The following BMP2K variants were observed in gnomAD, a reference collection of about 807,000 sequenced individuals.
The protein encoded by BMP2K is BMP-2-inducible protein kinase.
Under a neutral mutation model 116.0 loss-of-function variants are expected in BMP2K, and 74 were observed. The ratio of observed to expected loss-of-function variants is 0.64; its 90% CI spans 0.53 to 0.77. BMP2K has a LOEUF of 0.77. Among genes scored for constraint, BMP2K ranks in the 30% least tolerant of loss-of-function variants. BMP2K has a pLI of 0.00. For synonymous variants in BMP2K, 486 were observed against 502.5 expected, an observed-to-expected ratio of 0.97 and a Z score of 0.44; for missense variants, 1,365 against 1,403.6, an observed-to-expected ratio of 0.97 and a Z score of 0.44.
rs899601766 is a variant in BMP2K at position 78,873,665 on chromosome 4, T to A, written c.1793+867T>A. Among the ~76,000 whole-genome samples, 8 of 50,758 alleles carry A rather than the reference T, an allele frequency of 1.6e-4. No individual in the cohort carries two copies. The African/African-American group carries it at 3.3e-3, about 21-fold the overall frequency. 33.3% of individuals were successfully genotyped at this position (50,758 alleles called of 152,430 possible). The stretch of plus-strand genomic sequence containing the variant: ...TAGAATGCCTCCCAACCTCTGTGTG[T>A]GTGTGTGTGTGTGTGTGTGTGTGTG... On this transcript the variant is annotated intron_variant, in intron 13 of 15. Transcript: ENST00000502613.
At chr4:78,809,803 A>G (rs1728999843) in intron 1 of BMP2K, among the ~76,000 whole-genome samples, 2 of 151,696 alleles carry the variant, frequency 1.3e-5, no homozygotes, top group African/African-American at 2.4e-5. Flanking sequence ...TTCTTTGAAC[A>G]TATTTGTTGT....
rs528176559 is a variant in BMP2K at position 78,776,542 on chromosome 4, C to T, written c.-2C>T. On this transcript the variant is annotated 5_prime_UTR_variant, in exon 1 of 16. Transcript: ENST00000502613. ...TGCGCCCTCCAGCTCGCCGGCGGGA[C>T]CATGAAGAAGTTCTCTCGGATGCCC... 89 of 1,147,824 alleles carry T rather than the reference C, an allele frequency of 7.8e-5. No homozygotes were observed. In the African/African-American group the frequency reaches 1.3e-3, roughly 17 times the overall value. The allele number at this position is 1,147,824 out of a possible 1,614,324, so 71.1% of individuals were successfully genotyped here. A position where few individuals can be genotyped will look rare whatever the true frequency, so the allele number is the denominator to read the frequency against.
intron 15 of BMP2K, among the ~76,000 whole-genome samples, chr4:78,902,232 G>T (rs981094661): frequency 6.6e-6 from 1 of 152,084 alleles, no homozygotes; most frequent in Non-Finnish European, 1.5e-5. Flanking sequence ...TAGGAATCTG[G>T]CTTTGTCTCA....
intron 8 of BMP2K, 66 bp from the exon 9 acceptor site, chr4:78,861,323 T>G: frequency 7.6e-7 from 1 of 1,312,788 alleles, no homozygotes; most frequent in Non-Finnish European, 1.1e-6. Context: ...TATCCATAGC[T>G]TACAAAAACT....
chr4:78,877,353 T>A (rs1419682777), intron 13 of BMP2K, among the ~76,000 whole-genome samples: 1 of 152,210 alleles, frequency 6.6e-6, no homozygotes, highest in Non-Finnish European at 1.5e-5. Context: ...TGTACAACTG[T>A]ACAAAAATAT....
At chr4:78,833,913 T>C (rs1402501203) in intron 3 of BMP2K, among the ~76,000 whole-genome samples, 1 of 152,206 alleles carries the variant, frequency 6.6e-6, no homozygotes, top group East Asian at 1.9e-4. Flanking sequence ...AAAGTGATAT[T>C]GAGTTTAAAA....
chr4:78,822,008 A>G (rs1578496479), intron 1 of BMP2K, among the ~76,000 whole-genome samples: 1 of 152,326 alleles, frequency 6.6e-6, no homozygotes, highest in South Asian at 2.1e-4. Context: ...CTGTAGCAGT[A>G]TATGCCATAT....
At chr4:78,790,280 G>A (rs955985550) in intron 1 of BMP2K, among the ~76,000 whole-genome samples, 1 of 152,134 alleles carries the variant, frequency 6.6e-6, no homozygotes, top group African/African-American at 2.4e-5. Flanking sequence ...ACTTGGAAAT[G>A]GCATTATTGT....
At position 78,782,058 on chromosome 4, in the gene BMP2K, C is replaced by T. The variant is rs1459424610; in HGVS notation, c.178+5337C>T. Among the ~76,000 whole-genome samples, 4 of 152,166 alleles carry T rather than the reference C, an allele frequency of 2.6e-5. No individual in the cohort carries two copies. The East Asian group carries it at 7.7e-4, about 29-fold the overall frequency. On this transcript the variant is annotated intron_variant, in intron 1 of 15. Transcript: ENST00000502613. ...TCACTTCTTATCTTTAAAAGCTTAC[C>T]TGTAATTATTTGCTAGGTGAATACT... is the stretch of plus-strand genomic sequence containing the variant.
chr4:78,897,667 A>C (rs986178339), intron 15 of BMP2K, among the ~76,000 whole-genome samples: 1 of 152,148 alleles, frequency 6.6e-6, no homozygotes, highest in Non-Finnish European at 1.5e-5. Flanking sequence ...TTATAGCGCT[A>C]AGTATCCTAC....
intron 2 of BMP2K, among the ~76,000 whole-genome samples, chr4:78,828,637 A>C (rs966997034): frequency 6.6e-6 from 1 of 152,216 alleles, no homozygotes; most frequent in African/African-American, 2.4e-5. Flanking sequence ...AAAGACTGTG[A>C]CTAGGGCTTT....
In BMP2K at chr4:78,829,850, C is replaced by CTCTTCTCTTCT. The variant is rs1560518859; in HGVS notation, c.297+3696_297+3697insCTTCTCTTCTT. On this transcript the variant is annotated intron_variant, in intron 2 of 15. Coordinates refer to ENST00000502613, the MANE Select transcript of BMP2K (RefSeq NM_198892.2). The stretch of plus-strand genomic sequence containing the variant: ...CTCTTCTCTTCTCTTCTCTTCTCTT[C>CTCTTCTCTTCT]TTTTTTTCTTTTCTTTTCTTTTGAT... 5.0e-5 allele frequency among the ~76,000 whole-genome samples: 7 copies of CTCTTCTCTTCT among 141,032 alleles called. No homozygotes were observed. The South Asian group carries it at 6.7e-4, about 13-fold the overall frequency. 92.5% of individuals were successfully genotyped at this position (141,032 alleles called of 152,430 possible). A position where few individuals can be genotyped will look rare whatever the true frequency, so the allele number is the denominator to read the frequency against.
chr4:78,826,481 G>A (rs1027069280), intron 2 of BMP2K, among the ~76,000 whole-genome samples: 3 of 152,138 alleles, frequency 2.0e-5, no homozygotes, highest in Admixed American at 6.6e-5. Flanking sequence ...GGGATTACAG[G>A]TGTGAGCCAC....
At chr4:78,857,395 G>A (rs1731555812) in intron 7 of BMP2K, among the ~76,000 whole-genome samples, 1 of 152,046 alleles carries the variant, frequency 6.6e-6, no homozygotes, top group African/African-American at 2.4e-5. Flanking sequence ...AATCATTAGA[G>A]GATATGCTGT....
chr4:78,877,237 T>C (rs1180020570), intron 13 of BMP2K, among the ~76,000 whole-genome samples: 2 of 152,104 alleles, frequency 1.3e-5, no homozygotes, highest in Admixed American at 6.6e-5. Flanking sequence ...AATTTTTTTC[T>C]TCTTCAATAA....
At chr4:78,887,427 T>C in intron 15 of BMP2K, 143 bp downstream of exon 15, 1 of 656,468 alleles carries the variant, frequency 1.5e-6, no homozygotes. Flanking sequence ...ATCCTACTCT[T>C]CTTAATGATG....
Position 78,791,912 on chromosome 4 carries a change from A to G in BMP2K, c.178+15191A>G, listed in dbSNP as rs191057921. Among the ~76,000 whole-genome samples, 394 of 152,314 alleles carry G rather than the reference A, an allele frequency of 2.6e-3. 1 individual carries two copies. The highest frequency in any genetic ancestry group is 4.4e-3 in the Non-Finnish European group (302 of 68,028). On this transcript the variant is annotated intron_variant, in intron 1 of 15. Coordinates refer to ENST00000502613, the MANE Select transcript of BMP2K (RefSeq NM_198892.2). ...ATGCTGCTGTACATATGGTGTACAA[A>G]TATGTATATGTTTGAGTCCCTGCTT...
At chr4:78,899,676 G>A (rs773111766) in intron 15 of BMP2K, among the ~76,000 whole-genome samples, 4 of 151,536 alleles carry the variant, frequency 2.6e-5, no homozygotes, top group Non-Finnish European at 5.9e-5. Flanking sequence ...TTTTCCCAAA[G>A]GATTGAGCAT....
At chr4:78,806,458 A>G (rs1258843543) in intron 1 of BMP2K, among the ~76,000 whole-genome samples, 1 of 151,974 alleles carries the variant, frequency 6.6e-6, no homozygotes, top group Admixed American at 6.6e-5. Flanking sequence ...GATTACAGGT[A>G]TGAGGTATCA....
Sources: allele counts gnomAD v4.1 joint callset (sites outside exome capture counted in the v4.1 genomes callset), GRCh38; gene constraint gnomAD v4.1.1; transcripts MANE v1.5; gene names NCBI Gene and HGNC (gene_info 2026-07-23, HGNC 2026-07-21).